Variants in CLSTN2 observed in about 807,000 individuals in gnomAD.
CLSTN2 encodes calsyntenin-2.
CLSTN2 carries 48 observed loss-of-function variants against 101.2 expected under a neutral mutation model. The observed-to-expected ratio is 0.47, with a 90% confidence interval of 0.38 to 0.60. CLSTN2 has a LOEUF of 0.60. CLSTN2 is among the 20% of genes least tolerant of loss of function. The pLI is 0.00. For missense variants in CLSTN2, 1,160 were observed against 1,238.2 expected (o/e 0.94, Z 0.95); for synonymous variants, 481 against 463.6 (o/e 1.04, Z -0.48).
At chr3:140,046,051 C>A (rs535663017) in intron 1 of CLSTN2, among the ~76,000 whole-genome samples, 4 of 152,252 alleles carry the variant, frequency 2.6e-5, no homozygotes, top group South Asian at 2.1e-4. Flanking sequence ...TGCAGAGCTG[C>A]GTTCAATTCC....
chr3:140,299,388 T>C lies in CLSTN2; in HGVS notation c.233-104241T>C, dbSNP rs1192116325. 2.0e-5 allele frequency among the ~76,000 whole-genome samples: 3 copies of C among 152,368 alleles called. No homozygotes were observed. The East Asian group carries it at 5.8e-4, about 29-fold the overall frequency. On this transcript the variant is annotated intron_variant, in intron 2 of 16. Coordinates refer to ENST00000458420, the MANE Select transcript of CLSTN2 (RefSeq NM_022131.3). ...TGAAGCTCCAGTATATATAGTCAGT[T>C]CTGTTCAATTTAGTAAACCAGTGTT...
At chr3:140,377,688 TG>T (rs1559853040) in intron 2 of CLSTN2, among the ~76,000 whole-genome samples, 1 of 152,202 alleles carries the variant, frequency 6.6e-6, no homozygotes, top group African/African-American at 2.4e-5. Flanking sequence ...TTAAGCTCAG[TG>T]TTACAAAACT....
At chr3:140,108,134 A>G (rs1017225325) in intron 1 of CLSTN2, among the ~76,000 whole-genome samples, 14 of 152,182 alleles carry the variant, frequency 9.2e-5, no homozygotes, top group African/African-American at 4.8e-5. Flanking sequence ...CATCTTCTGA[A>G]ATGTTATCTA....
chr3:139,965,099 C>G (rs1328847771), intron 1 of CLSTN2, among the ~76,000 whole-genome samples: 1 of 152,164 alleles, frequency 6.6e-6, no homozygotes, highest in Non-Finnish European at 1.5e-5. Context: ...CTTGGCCCCA[C>G]GAAGTTTGCA....
chr3:140,163,060 T>A (rs2107820966), intron 1 of CLSTN2, among the ~76,000 whole-genome samples: 1 of 152,340 alleles, frequency 6.6e-6, no homozygotes, highest in Non-Finnish European at 1.5e-5. Context: ...AAAAACTTCT[T>A]CAGTGCATGT....
Position 140,428,858 on chromosome 3 carries a change from G to A in CLSTN2, c.787+7584G>A, listed in dbSNP as rs2088599708. On this transcript the variant is annotated intron_variant, in intron 5 of 16. Transcript: ENST00000458420. ...CATCCCACAAACAGGTCCTTCATTA[G>A]GAAGGAAGGGTGGCAGCTTTTGGAG... 2.0e-5 allele frequency among the ~76,000 whole-genome samples: 3 copies of A among 152,144 alleles called. No homozygotes were observed. In the South Asian group the frequency reaches 6.2e-4, roughly 31 times the overall value.
chr3:140,122,288 C>A (rs2009355400), intron 1 of CLSTN2, among the ~76,000 whole-genome samples: 1 of 152,188 alleles, frequency 6.6e-6, no homozygotes, highest in African/African-American at 2.4e-5. Context: ...AATCTATTAA[C>A]TGTGTGGGTT....
intron 2 of CLSTN2, among the ~76,000 whole-genome samples, chr3:140,249,113 C>G (rs1445522048): frequency 2.6e-5 from 4 of 152,272 alleles, no homozygotes; most frequent in African/African-American, 9.6e-5. Context: ...CCTATGACTA[C>G]TGGAGCCATG....
chr3:140,414,915 T>C (rs1440117728), intron 4 of CLSTN2, among the ~76,000 whole-genome samples: 1 of 152,018 alleles, frequency 6.6e-6, no homozygotes, highest in Non-Finnish European at 1.5e-5. Flanking sequence ...TTACATTTCC[T>C]GATTTCAAAC....
intron 1 of CLSTN2, among the ~76,000 whole-genome samples, chr3:140,023,784 C>G (rs1422894068): frequency 6.6e-6 from 1 of 152,306 alleles, no homozygotes; most frequent in South Asian, 2.1e-4. Context: ...ATTTTCACCT[C>G]CCCGCTTCGC....
At chr3:140,558,987 T>A (rs1279346651) in intron 12 of CLSTN2, 130 bp downstream of exon 12, 1 of 680,990 alleles carries the variant, frequency 1.5e-6, no homozygotes, top group Non-Finnish European at 2.5e-6. Flanking sequence ...GGCAGCGTAA[T>A]GTATTATAGC....
chr3:139,975,545 C>T (rs1386226702), intron 1 of CLSTN2, among the ~76,000 whole-genome samples: 3 of 152,132 alleles, frequency 2.0e-5, no homozygotes, highest in African/African-American at 7.2e-5. Context: ...GGAGGCATCA[C>T]AAAATAGCAT....
intron 1 of CLSTN2, among the ~76,000 whole-genome samples, chr3:140,118,344 A>G (rs2009280126): frequency 6.6e-6 from 1 of 152,314 alleles, no homozygotes; most frequent in Admixed American, 6.5e-5. Context: ...GAAAGACAAA[A>G]GAAAAGTGGG....
intron 1 of CLSTN2, among the ~76,000 whole-genome samples, chr3:140,088,113 G>A (rs1313152543): frequency 6.6e-6 from 1 of 152,036 alleles, no homozygotes; most frequent in Non-Finnish European, 1.5e-5. Flanking sequence ...ATTATTTTGT[G>A]GCCCATTATT....
chr3:140,089,972 T>TA (rs2008748431), intron 1 of CLSTN2, among the ~76,000 whole-genome samples: 1 of 35,702 alleles, frequency 2.8e-5, no homozygotes, highest in Non-Finnish European at 4.7e-5. Context: ...TAGGATTGGC[T>TA]TTTTTTTTTT....
chr3:139,997,697 C>T (rs978875734), intron 1 of CLSTN2, among the ~76,000 whole-genome samples: 7 of 152,108 alleles, frequency 4.6e-5, no homozygotes, highest in African/African-American at 1.7e-4. Flanking sequence ...GGTCTATTTT[C>T]TTTCAAATAC....
chr3:140,176,056 C>T lies in CLSTN2; in HGVS notation c.215C>T (p.Ala72Val). The T allele has an allele frequency of 6.2e-7, 1 of 1,613,770 alleles. No homozygotes were observed. Among genetic ancestry groups the T allele is most frequent in the Non-Finnish European group, 8.5e-7 (1 of 1,179,828 alleles). The change falls in exon 2 of 17, where the codon GCA becomes GTA. Residue 72 changes from alanine to valine, a missense_variant. Transcript: ENST00000458420. Reference protein sequence around the residue: ...DPPLVALDKDAPVPFAGEICA... With the variant: ...DPPLVALDKDVPVPFAGEICA... ...CCACTGGTAGCCCTGGATAAAGATG[C>T]ACCGGTTCCTTTTGCAGGTGAGATT...
chr3:140,028,201 G>A (rs1004641280), intron 1 of CLSTN2, among the ~76,000 whole-genome samples: 2 of 152,186 alleles, frequency 1.3e-5, no homozygotes, highest in Non-Finnish European at 2.9e-5. Flanking sequence ...CTGGAGGGAA[G>A]GTCGTGTTTC....
At chr3:140,266,988 T>G (rs986729935) in intron 2 of CLSTN2, among the ~76,000 whole-genome samples, 13 of 152,210 alleles carry the variant, frequency 8.5e-5, no homozygotes, top group African/African-American at 1.4e-4. Context: ...CTGTTAGCAA[T>G]GTCTGCCATG....
Sources: gnomAD v4.1 joint callset for allele counts (sites outside exome capture counted in the v4.1 genomes callset) on GRCh38, gnomAD v4.1.1 for gene constraint, MANE v1.5 for transcripts, NCBI Gene and HGNC (gene_info 2026-07-23, HGNC 2026-07-21) for gene names.